DNAH12: variants seen among roughly 807,000 people sequenced by gnomAD.
DNAH12 encodes dynein axonemal heavy chain 12.
DNAH12 carries 285 observed loss-of-function variants against 371.5 expected under a neutral mutation model. That is an observed-to-expected ratio of 0.77 (90% CI 0.70 to 0.85). The LOEUF is 0.85. Among genes scored for constraint, DNAH12 ranks in the 40% least tolerant of loss-of-function variants. The pLI is 0.00. For synonymous variants in DNAH12, 1,200 were observed against 1,213.0 expected, an observed-to-expected ratio of 0.99 and a Z score of 0.22; for missense variants, 3,611 against 3,689.4, an observed-to-expected ratio of 0.98 and a Z score of 0.55.
intron 5 of DNAH12, among the ~76,000 whole-genome samples, chr3:57,509,887 A>G (rs1053889973): frequency 6.2e-5 from 9 of 144,422 alleles, no homozygotes; most frequent in South Asian, 2.2e-4. Flanking sequence ...AAAAAAAAAA[A>G]AAAGAAAGCA....
In DNAH12 at chr3:57,504,211, GAT is replaced by G. The variant is rs1421285659; in HGVS notation, c.898-9_898-8del. 6.3e-7 allele frequency: 1 copy of G among 1,598,178 alleles called. No homozygotes were observed. The highest frequency in any genetic ancestry group is 1.7e-5 in the Admixed American group (1 of 58,408). ...TCCTTAATAGATCCTTTAGCTGCGT[GAT>G]ATAAATCACTGTTACTTTAGAGAGT... On this transcript the variant is annotated splice_region_variant and splice_polypyrimidine_tract_variant and intron_variant, in intron 8 of 73. Transcript: ENST00000495027.
chr3:57,476,451 C>T (rs773512081), intron 13 of DNAH12, among the ~76,000 whole-genome samples: 3 of 152,108 alleles, frequency 2.0e-5, no homozygotes, highest in Non-Finnish European at 4.4e-5. Flanking sequence ...GTACTCCCAG[C>T]TACTCAGGAG....
chr3:57,308,676 T>G (rs1265440010), intron 69 of DNAH12, among the ~76,000 whole-genome samples: 1 of 152,172 alleles, frequency 6.6e-6, no homozygotes, highest in Non-Finnish European at 1.5e-5. Context: ...TCACAGCTGA[T>G]ATCTCCTGGT....
At chr3:57,465,922 C>G (rs1422058317) in intron 17 of DNAH12, among the ~76,000 whole-genome samples, 1 of 151,874 alleles carries the variant, frequency 6.6e-6, no homozygotes, top group Non-Finnish European at 1.5e-5. Flanking sequence ...TAGCAAAAAC[C>G]TAAAGTTTGA....
At chr3:57,424,124 A>T (rs142813223) in intron 35 of DNAH12, among the ~76,000 whole-genome samples, 2 of 152,126 alleles carry the variant, frequency 1.3e-5, no homozygotes, top group African/African-American at 4.8e-5. Flanking sequence ...CTAATGTCCA[A>T]ATTTGTTTAA....
Position 57,390,425 on chromosome 3 carries a change from ATATATAT to A in DNAH12, c.7305+1440_7305+1446del, listed in dbSNP as rs1441174658. On this transcript the variant is annotated intron_variant, in intron 45 of 73. Coordinates refer to ENST00000495027, the MANE Select transcript of DNAH12 (RefSeq NM_001366028.2). ...TCCTGTCTCAAAAAAAAAAAAAAAA[ATATATAT>A]ATATATATATATATATATACTTAGA... Among the ~76,000 whole-genome samples the A allele has an allele frequency of 1.5e-4, 6 of 40,958 alleles. 1 individual carries two copies. The South Asian group carries it at 4.0e-3, about 27-fold the overall frequency. 26.9% of individuals were successfully genotyped at this position (40,958 alleles called of 152,430 possible). A position where few individuals can be genotyped will look rare whatever the true frequency, so the allele number is the denominator to read the frequency against.
chr3:57,552,193 C>T, the DNAH12 span, among the ~76,000 whole-genome samples: 1 of 148,396 alleles, frequency 6.7e-6, no homozygotes, highest in African/African-American at 2.5e-5. Flanking sequence ...TGCAGTGAGC[C>T]GAGATCACGC....
intron 70 of DNAH12, among the ~76,000 whole-genome samples, chr3:57,299,747 G>A (rs554418): frequency 0.71 from 107,246 of 152,012 alleles, 38,606 homozygotes; most frequent in East Asian, 0.92. Context: ...GCTGTCACCA[G>A]TAACCTGACC....
intron 40 of DNAH12, among the ~76,000 whole-genome samples, chr3:57,406,206 C>A (rs1553681175): frequency 6.6e-6 from 1 of 151,742 alleles, no homozygotes; most frequent in East Asian, 1.9e-4. Context: ...CAAAAATTAG[C>A]CAGGTGTCAT....
intron 12 of DNAH12, among the ~76,000 whole-genome samples, chr3:57,487,821 T>G (rs2066983084): frequency 6.6e-6 from 1 of 152,166 alleles, no homozygotes; most frequent in Admixed American, 6.5e-5. Flanking sequence ...TCACAGATAC[T>G]ACAAAAATAA....
chr3:57,506,176 G>A (rs1043112662), intron 8 of DNAH12, among the ~76,000 whole-genome samples: 4 of 152,180 alleles, frequency 2.6e-5, no homozygotes, highest in African/African-American at 9.7e-5. Context: ...AAGACTGAAG[G>A]GAGGGGAGGT....
At chr3:57,438,691 G>A (rs113733088) in intron 29 of DNAH12, among the ~76,000 whole-genome samples, 21,773 of 151,848 alleles carry the variant, frequency 0.14, 1,608 homozygotes, top group South Asian at 0.2. Flanking sequence ...GGTGGCCCAC[G>A]TCTGTAATCT....
chr3:57,335,039 T>C lies in DNAH12; in HGVS notation c.9675-99A>G, dbSNP rs1169303544. Reference sequence around the variant, plus strand: ...AACCTGGATAGAACAACTTAGACTGTACTTACCCACCTGCTGTAAACAACT... The same window carrying C: ...AACCTGGATAGAACAACTTAGACTGCACTTACCCACCTGCTGTAAACAACT... On this transcript the variant is annotated intron_variant, in intron 60 of 73. Coordinates refer to ENST00000495027, the MANE Select transcript of DNAH12 (RefSeq NM_001366028.2). 8.0e-6 allele frequency: 10 copies of C among 1,253,242 alleles called. No individual in the cohort carries two copies. In the Admixed American group the frequency reaches 1.2e-4, roughly 16 times the overall value. The allele number at this position is 1,253,242 out of a possible 1,614,324, so 77.6% of individuals were successfully genotyped here. A position where few individuals can be genotyped will look rare whatever the true frequency, so the allele number is the denominator to read the frequency against.
intron 67 of DNAH12, among the ~76,000 whole-genome samples, chr3:57,310,484 A>G (rs931009088): frequency 3.3e-5 from 5 of 152,176 alleles, no homozygotes; most frequent in African/African-American, 1.2e-4. Flanking sequence ...CTTTCCTACA[A>G]TACATGAATT....
At position 57,431,438 on chromosome 3, in the gene DNAH12, C is replaced by G. The variant is rs546129850; in HGVS notation, c.4981-1664G>C. Among the ~76,000 whole-genome samples the G allele has an allele frequency of 3.9e-5, 6 of 152,196 alleles. No individual in the cohort carries two copies. The South Asian group carries it at 1.2e-3, about 32-fold the overall frequency. Reference sequence around the variant, plus strand: ...TGGGACCTTCTCTCCAGAAATAATACACAATTCTGAAATATTAAATTCATG... The same window carrying G: ...TGGGACCTTCTCTCCAGAAATAATAGACAATTCTGAAATATTAAATTCATG... On this transcript the variant is annotated intron_variant, in intron 32 of 73. Transcript: ENST00000495027.
In DNAH12 at chr3:57,293,938, T is replaced by C; in HGVS notation, c.11726A>G (p.Tyr3909Cys). ...ACTTGTCTTGTAGAGGGGACAGACA[T>C]AGGCATCCGACTTTATAATCCGAGA... Reference protein sequence around the residue: ...QKSRIIKSDAYVCPLYKTSER... With the variant: ...QKSRIIKSDACVCPLYKTSER... The change falls in exon 74 of 74, where the codon TAT (tyrosine) becomes TGT (cysteine). Residue 3909 changes from tyrosine (Y) to cysteine (C), a missense_variant. Tyr to Cys is a radical substitution (Grantham distance 194). Around this residue, in one of 3 missense-constraint regions of DNAH12, gnomAD observed 2,266 missense variants for 2,236.9 expected, o/e 1.01. Coordinates refer to ENST00000495027, the MANE Select transcript of DNAH12 (RefSeq NM_001366028.2). 12 of 1,460,974 alleles carry C rather than the reference T, an allele frequency of 8.2e-6. No individual in the cohort carries two copies. The highest frequency in any genetic ancestry group is 2.8e-5 in the South Asian group (2 of 70,530). 90.5% of individuals were successfully genotyped at this position (1,460,974 alleles called of 1,614,324 possible). A position where few individuals can be genotyped will look rare whatever the true frequency, so the allele number is the denominator to read the frequency against.
At chr3:57,493,734 T>C (rs1559718119) in intron 11 of DNAH12, 1 of 151,792 alleles carries the variant, frequency 6.6e-6, no homozygotes, top group Non-Finnish European at 1.5e-5. Context: ...AAACTGCTTG[T>C]TCTACTCTTT....
At chr3:57,300,141 C>T (rs1475795294) in intron 70 of DNAH12, among the ~76,000 whole-genome samples, 1 of 152,168 alleles carries the variant, frequency 6.6e-6, no homozygotes, top group Admixed American at 6.5e-5. Flanking sequence ...TGCTGTGCTG[C>T]CCACTGCACT....
intron 39 of DNAH12, among the ~76,000 whole-genome samples, chr3:57,412,200 C>A (rs1479602398): frequency 6.6e-6 from 1 of 152,178 alleles, no homozygotes; most frequent in Non-Finnish European, 1.5e-5. Flanking sequence ...GACAACATAG[C>A]AAGACCCCTG....
Sources: gnomAD v4.1 joint callset for allele counts (sites outside exome capture counted in the v4.1 genomes callset) on GRCh38, gnomAD v4.1.1 for gene constraint, gnomAD v4.1.1 regional missense constraint, MANE v1.5 for transcripts, NCBI Gene and HGNC (gene_info 2026-07-23, HGNC 2026-07-21) for gene names.